TBPL2: variants seen among roughly 807,000 people sequenced by gnomAD.
TBPL2 encodes TATA box-binding protein-like 2.
In TBPL2, 40 loss-of-function variants were observed where a neutral mutation model predicts 38.2. The observed-to-expected ratio is 1.05, with a 90% confidence interval of 0.81 to 1.36. The LOEUF (loss-of-function observed/expected upper bound fraction) is 1.36. Among genes scored for constraint, TBPL2 ranks in the 40% most tolerant of loss-of-function variants. The pLI, the probability that TBPL2 is intolerant of heterozygous loss-of-function variation, is 0.00. For synonymous variants in TBPL2, 169 were observed against 171.7 expected (o/e 0.98, Z 0.12); for missense variants, 461 against 456.7 (o/e 1.01, Z -0.09).
chr14:55,423,881 A>G (rs1372687245), intron 6 of TBPL2, among the ~76,000 whole-genome samples: 3 of 152,222 alleles, frequency 2.0e-5, no homozygotes, highest in Non-Finnish European at 4.4e-5. Context: ...AGAGTTTGTA[A>G]CAGTAAGTTT....
chr14:55,437,045 A>G, intron 1 of TBPL2, 27 bp from the exon 2 acceptor site: 1 of 1,593,182 alleles, frequency 6.3e-7, no homozygotes, highest in Non-Finnish European at 8.6e-7. Flanking sequence ...ACAGACAGAC[A>G]AAAACACAAC....
At chr14:55,427,880 CTTTTTTT>C (rs551473740) in intron 5 of TBPL2, among the ~76,000 whole-genome samples, 39 of 130,896 alleles carry the variant, frequency 3.0e-4, no homozygotes, top group Non-Finnish European at 4.9e-4. Context: ...GTTAGGATTG[CTTTTTTT>C]TTTTTTTTTT....
At chr14:55,434,485 C>T (rs536436323) in intron 3 of TBPL2, among the ~76,000 whole-genome samples, 2 of 152,270 alleles carry the variant, frequency 1.3e-5, no homozygotes, top group African/African-American at 4.8e-5. Flanking sequence ...AAGGGCCAAG[C>T]CAGAATTTCT....
chr14:55,423,405 C>T (rs1885774860), intron 6 of TBPL2, among the ~76,000 whole-genome samples: 1 of 152,002 alleles, frequency 6.6e-6, no homozygotes, highest in Non-Finnish European at 1.5e-5. Context: ...TGAGTGTCCA[C>T]ACTAATATCA....
chr14:55,428,727 AAGAT>A, intron 5 of TBPL2, 76 bp downstream of exon 5: 1 of 1,428,602 alleles, frequency 7.0e-7, no homozygotes, highest in Non-Finnish European at 9.5e-7. Flanking sequence ...ATTTCTCTGA[AAGAT>A]ACTTTACGTA....
chr14:55,415,843 G>GCGAC (rs1303333764), intron 6 of TBPL2, among the ~76,000 whole-genome samples: 3 of 152,128 alleles, frequency 2.0e-5, no homozygotes, highest in Non-Finnish European at 4.4e-5. Context: ...TCCAGCCTGG[G>GCGAC]CGACACAGCG....
At chr14:55,426,833 A>C (rs1038479292) in intron 5 of TBPL2, among the ~76,000 whole-genome samples, 2 of 152,220 alleles carry the variant, frequency 1.3e-5, no homozygotes, top group African/African-American at 4.8e-5. Context: ...CTTACTGGCA[A>C]CCCTTCCAGA....
chr14:55,436,755 G>A lies in TBPL2; in HGVS notation c.414C>T (p.Ser138=), dbSNP rs746127057. The change falls in exon 2 of 7, where the codon AGC becomes AGT. Residue 138 remains serine (S), a synonymous_variant. Transcript: ENST00000247219. ...TTAAGCCCAGCCCAACGTCCTGTTCGCTGGGTGATGGCAACCTACTTTGTG... is the reference window on the plus strand; with the variant it reads ...TTAAGCCCAGCCCAACGTCCTGTTCACTGGGTGATGGCAACCTACTTTGTG... 79 of 1,614,078 alleles carry A rather than the reference G, an allele frequency of 4.9e-5. No homozygotes were observed. The South Asian group carries it at 5.8e-4, about 12-fold the overall frequency.
intron 6 of TBPL2, among the ~76,000 whole-genome samples, chr14:55,417,271 G>A (rs147913961): frequency 4.9e-4 from 75 of 152,170 alleles, no homozygotes; most frequent in Middle Eastern, 3.4e-3. Flanking sequence ...AACATTGCCA[G>A]TATTTGTAAC....
At chr14:55,433,309 CT>C (rs71131269) in intron 4 of TBPL2, among the ~76,000 whole-genome samples, 8,379 of 119,706 alleles carry the variant, frequency 0.07, 339 homozygotes, top group Non-Finnish European at 0.092. Context: ...TTAGATTTCT[CT>C]TTTTTTTTTT....
chr14:55,428,120 T>TA, intron 5 of TBPL2, among the ~76,000 whole-genome samples: 1 of 41,250 alleles, frequency 2.4e-5, no homozygotes, highest in Non-Finnish European at 4.1e-5. Context: ...ATGCCTTATC[T>TA]TTTTTTTTTT....
chr14:55,429,499 C>T (rs1263524321), intron 4 of TBPL2, among the ~76,000 whole-genome samples: 1 of 152,194 alleles, frequency 6.6e-6, no homozygotes, highest in Non-Finnish European at 1.5e-5. Context: ...CACAGTGGCT[C>T]ACGCCTGTAA....
At chr14:55,431,541 A>G (rs999565981) in intron 4 of TBPL2, among the ~76,000 whole-genome samples, 1 of 152,174 alleles carries the variant, frequency 6.6e-6, no homozygotes, top group Non-Finnish European at 1.5e-5. Context: ...TCCCTGTTCT[A>G]TTGCTGAAAT....
chr14:55,428,926 C>T lies in TBPL2; in HGVS notation c.837G>A (p.Gln279=), dbSNP rs767526610. 1.9e-6 allele frequency: 3 copies of T among 1,614,186 alleles called. No homozygotes were observed. The South Asian group carries it at 3.3e-5, about 18-fold the overall frequency. Residue 279 remains glutamine (Q), a synonymous_variant, in exon 5 of 7, where the codon CAG becomes CAA. Transcript: ENST00000247219. Reference sequence around the variant, plus strand: ...GGAATCTGGCAGGGAACCCAAGCTTCTGCACCACACGAGCATATTTTCTTG... The same window carrying T: ...GGAATCTGGCAGGGAACCCAAGCTTTTGCACCACACGAGCATATTTTCTTG...
intron 4 of TBPL2, among the ~76,000 whole-genome samples, chr14:55,431,446 T>A (rs1237616131): frequency 6.6e-6 from 1 of 152,252 alleles, no homozygotes; most frequent in Non-Finnish European, 1.5e-5. Flanking sequence ...AATGTGACCA[T>A]CCTTTCAGCT....
chr14:55,425,455 G>A (rs1885807072), intron 5 of TBPL2, among the ~76,000 whole-genome samples: 1 of 152,192 alleles, frequency 6.6e-6, no homozygotes, highest in African/African-American at 2.4e-5. Context: ...AAATGATATT[G>A]AACTGCATTT....
intron 6 of TBPL2, among the ~76,000 whole-genome samples, chr14:55,422,792 G>A (rs954658196): frequency 3.9e-5 from 6 of 152,168 alleles, no homozygotes; most frequent in Non-Finnish European, 8.8e-5. Context: ...GGTGGAGGTT[G>A]CAGTGAGCTG....
chr14:55,440,472 G>A (rs749672301), exon 1 of TBPL2: 2 of 1,611,922 alleles, frequency 1.2e-6, no homozygotes, highest in African/African-American at 1.3e-5. Flanking sequence ...CACTGTTGGG[G>A]GTGGGGGCGG....
At chr14:55,436,737 C>G in exon 2 of TBPL2, 1 of 1,614,196 alleles carries the variant, frequency 6.2e-7, no homozygotes, top group Non-Finnish European at 8.5e-7. Context: ...TGTTTAAGCC[C>G]AGCCCAACGT....
Sources: allele counts gnomAD v4.1 joint callset (sites outside exome capture counted in the v4.1 genomes callset), GRCh38; gene constraint gnomAD v4.1.1; transcripts MANE v1.5; gene names NCBI Gene and HGNC (gene_info 2026-07-23, HGNC 2026-07-21).